The following ZC4H2 variants were observed in gnomAD, a reference collection of about 807,000 sequenced individuals.
ZC4H2 encodes zinc finger C4H2 domain-containing protein.
For missense variants in ZC4H2, 137 were observed against 173.9 expected (o/e 0.79, Z 1.19); for synonymous variants, 84 against 66.3 (o/e 1.27, Z -1.30).
intron 1 of ZC4H2, among the ~76,000 whole-genome samples, chrX:65,020,834 G>T (rs772290658): frequency 9.0e-6 from 1 of 111,695 alleles, no homozygotes; most frequent in South Asian, 3.7e-4. Flanking sequence ...AGGAATGGAG[G>T]AATATTTACC....
chrX:64,980,213 G>A (rs1019691596), upstream of ZC4H2, among the ~76,000 whole-genome samples: 1 of 112,317 alleles, frequency 8.9e-6, no homozygotes, highest in African/African-American at 3.2e-5. Context: ...AGGAACCATC[G>A]AGGTTTCAGT....
intron 1 of ZC4H2, among the ~76,000 whole-genome samples, chrX:65,013,502 ATT>A (rs200499243): frequency 1.4e-4 from 15 of 110,844 alleles, no homozygotes; most frequent in Non-Finnish European, 1.7e-4. Flanking sequence ...CTCTTTATTG[ATT>A]TTTTTTAGCT....
chrX:64,960,399 C>T (rs893448471), intron 1 of ZC4H2, among the ~76,000 whole-genome samples: 7 of 110,863 alleles, frequency 6.3e-5, no homozygotes, highest in African/African-American at 1.6e-4. Context: ...GATTAGCACA[C>T]GTGTATAAGA....
intron 1 of ZC4H2, among the ~76,000 whole-genome samples, chrX:64,927,421 G>A (rs1235705659): frequency 1.8e-5 from 2 of 111,191 alleles, no homozygotes; most frequent in African/African-American, 3.3e-5. Context: ...TGACAATGGT[G>A]GTTTCCAGCT....
intron 1 of ZC4H2, among the ~76,000 whole-genome samples, chrX:64,973,737 T>C (rs1343777552): frequency 9.0e-6 from 1 of 111,616 alleles, no homozygotes; most frequent in Non-Finnish European, 1.9e-5. Context: ...CATTCAATAC[T>C]GAAGGATATT....
At chrX:64,969,519 G>T (rs1450514053) in intron 1 of ZC4H2, among the ~76,000 whole-genome samples, 1 of 112,046 alleles carries the variant, frequency 8.9e-6, no homozygotes, top group East Asian at 2.8e-4. Context: ...GGGATGATGA[G>T]AAGTGGACAA....
intron 1 of ZC4H2, among the ~76,000 whole-genome samples, chrX:64,998,014 C>T (rs1050786961): frequency 9.0e-6 from 1 of 111,182 alleles, no homozygotes; most frequent in African/African-American, 3.3e-5. Context: ...ACATGGTAAC[C>T]ATAAAATATC....
intron 1 of ZC4H2, among the ~76,000 whole-genome samples, chrX:64,932,086 C>A (rs186244118): frequency 3.5e-4 from 39 of 110,707 alleles, no homozygotes; most frequent in African/African-American, 1.1e-3. Context: ...TTGGACTAAT[C>A]CTTTTATCAT....
At chrX:65,025,418 C>A (rs1187716815) in intron 1 of ZC4H2, among the ~76,000 whole-genome samples, 1 of 110,791 alleles carries the variant, frequency 9.0e-6, no homozygotes, top group Non-Finnish European at 1.9e-5. Context: ...CATCCATAAT[C>A]GTATTGCTTT....
At chrX:65,008,986 G>C (rs1414650936) in intron 1 of ZC4H2, among the ~76,000 whole-genome samples, 1 of 111,835 alleles carries the variant, frequency 8.9e-6, no homozygotes, top group African/African-American at 3.3e-5. Context: ...CTAAAACAGA[G>C]AGGTGATAAA....
In ZC4H2 at chrX:65,012,243, A is replaced by AAAAG. The variant is rs756822500; in HGVS notation, c.-272+22382_-272+22385dup. Among the ~76,000 whole-genome samples, 59 of 99,755 alleles carry AAAAG rather than the reference A, an allele frequency of 5.9e-4. 1 individual carries two copies. The East Asian group carries it at 9.6e-3, about 16-fold the overall frequency. 86.6% of individuals were successfully genotyped at this position (99,755 alleles called of 115,157 possible). On this transcript the variant is annotated intron_variant, in intron 1 of 4. Transcript: ENST00000337990. ...CCGTCTCAAAAAAAAAAAAAAAAAA[A>AAAAG]AAAGAAAGAAAGAAAGAAAGAAAGA...
chrX:65,005,364 T>C (rs1476585216), intron 1 of ZC4H2, among the ~76,000 whole-genome samples: 2 of 111,594 alleles, frequency 1.8e-5, no homozygotes, highest in African/African-American at 3.3e-5. Context: ...AGCAGCATGA[T>C]ACTGGTACCA....
intron 1 of ZC4H2, among the ~76,000 whole-genome samples, chrX:65,029,457 G>A (rs1223186207): frequency 8.9e-6 from 1 of 111,827 alleles, no homozygotes; most frequent in East Asian, 2.8e-4. Flanking sequence ...GGGTGAGAAG[G>A]AAACATGATA....
intron 1 of ZC4H2, among the ~76,000 whole-genome samples, chrX:65,030,821 A>G (rs976715908): frequency 9.0e-6 from 1 of 111,210 alleles, no homozygotes; most frequent in Non-Finnish European, 1.9e-5. Flanking sequence ...TAGATATCTC[A>G]TCTCCCACCC....
chrX:64,950,496 G>C (rs1257266051), intron 1 of ZC4H2, among the ~76,000 whole-genome samples: 1 of 111,115 alleles, frequency 9.0e-6, no homozygotes, highest in East Asian at 2.9e-4. Context: ...TCTCTTTCTA[G>C]GTCTCTAAGG....
At chrX:64,969,414 G>A (rs1449886544) in intron 1 of ZC4H2, among the ~76,000 whole-genome samples, 2 of 111,895 alleles carry the variant, frequency 1.8e-5, no homozygotes, top group Non-Finnish European at 3.8e-5. Flanking sequence ...TAGGACAGCT[G>A]GGACCTGTAG....
intron 1 of ZC4H2, among the ~76,000 whole-genome samples, chrX:65,012,086 A>G (rs745785706): frequency 1.0e-4 from 11 of 107,800 alleles, no homozygotes; most frequent in East Asian, 5.9e-4. Context: ...AGCCATAAAG[A>G]AACCTAGTAC....
In ZC4H2 at chrX:64,919,210, G is replaced by A. The variant is rs1297380634; in HGVS notation, c.399-6C>T. 6.6e-6 allele frequency: 8 copies of A among 1,210,603 alleles called. No homozygotes were observed. In the South Asian group the frequency reaches 1.4e-4, roughly 21 times the overall value. On this transcript the variant is annotated splice_region_variant and splice_polypyrimidine_tract_variant and intron_variant, in intron 3 of 4. Transcript: ENST00000374839. Reference sequence around the variant, plus strand: ...CTTTCTGCTTCTCAAAGTAACTTTGGAGATGAGAGACACTGGCTAGATCAT... The same window carrying A: ...CTTTCTGCTTCTCAAAGTAACTTTGAAGATGAGAGACACTGGCTAGATCAT...
At chrX:65,007,573 G>A (rs1346125260) in intron 1 of ZC4H2, among the ~76,000 whole-genome samples, 1 of 111,691 alleles carries the variant, frequency 9.0e-6, no homozygotes, top group African/African-American at 3.3e-5. Flanking sequence ...AAAGTAACAG[G>A]GGAAAATAAA....
Sources: gnomAD v4.1 joint callset for allele counts (sites outside exome capture counted in the v4.1 genomes callset) on GRCh38, gnomAD v4.1.1 for gene constraint, MANE v1.5 for transcripts, NCBI Gene and HGNC (gene_info 2026-07-23, HGNC 2026-07-21) for gene names.